Variants in SRPK2 observed in about 807,000 individuals in gnomAD.
SRPK2 encodes SRSF protein kinase 2.
Under a neutral mutation model 90.8 loss-of-function variants are expected in SRPK2, and 21 were observed. The observed-to-expected ratio is 0.23, with a 90% CI of 0.16 to 0.33. The LOEUF (loss-of-function observed/expected upper bound fraction) is 0.33, where lower values mean the gene tolerates loss of function less well. Among genes scored for constraint, SRPK2 ranks in the 10% least tolerant of loss-of-function variants. The probability of loss-of-function intolerance (pLI) is 1.00; values close to 1 mark genes in which losing one functional copy is unlikely to be tolerated. For synonymous variants in SRPK2, 288 were observed against 311.1 expected (o/e 0.93, Z 0.78); for missense variants, 620 against 869.0 (o/e 0.71, Z 3.60).
intron 3 of SRPK2, chr7:105,189,266 A>G (rs758982639): frequency 2.5e-4 from 38 of 153,804 alleles, no homozygotes; most frequent in Non-Finnish European, 5.4e-4. Flanking sequence ...CACAGAGGAT[A>G]AATCAAGGCC....
chr7:105,310,743 C>G (rs896250444), intron 2 of SRPK2, among the ~76,000 whole-genome samples: 2 of 152,146 alleles, frequency 1.3e-5, no homozygotes, highest in African/African-American at 4.8e-5. Context: ...TATTTATTTT[C>G]CATCTAGAAC....
At chr7:105,328,583 G>T (rs1183639332) in intron 2 of SRPK2, among the ~76,000 whole-genome samples, 8 of 101,188 alleles carry the variant, frequency 7.9e-5, no homozygotes, top group Non-Finnish European at 1.1e-4. Context: ...AAAAAAAAAA[G>T]GCCAGGCGCA....
At chr7:105,225,198 A>T (rs1186414045) in intron 2 of SRPK2, among the ~76,000 whole-genome samples, 1 of 145,802 alleles carries the variant, frequency 6.9e-6, no homozygotes, top group African/African-American at 2.5e-5. Flanking sequence ...AAACAAACAA[A>T]CAAACAAAAA....
chr7:105,131,251 A>G (rs1396008971), intron 13 of SRPK2, among the ~76,000 whole-genome samples: 1 of 152,054 alleles, frequency 6.6e-6, no homozygotes, highest in Admixed American at 6.5e-5. Flanking sequence ...ACATCCTGAA[A>G]TGGCCCCTGC....
At chr7:105,276,712 T>G (rs1284911792) in intron 2 of SRPK2, among the ~76,000 whole-genome samples, 2 of 152,158 alleles carry the variant, frequency 1.3e-5, no homozygotes, top group African/African-American at 4.8e-5. Context: ...CACTCCACTC[T>G]GGGCAACAGA....
chr7:105,132,603 C>G (rs1024585314), intron 13 of SRPK2, among the ~76,000 whole-genome samples, 188 bp downstream of exon 13: 1 of 152,190 alleles, frequency 6.6e-6, no homozygotes, highest in Non-Finnish European at 1.5e-5. Flanking sequence ...ACCCAGGGCC[C>G]GCCTGAGGAG....
intron 15 of SRPK2, chr7:105,125,750 G>A: frequency 9.9e-7 from 1 of 1,005,276 alleles, no homozygotes; most frequent in African/African-American, 1.7e-5. Context: ...AGAAGACTAT[G>A]CTGAAAATTA....
At chr7:105,287,508 G>T (rs528723944) in intron 2 of SRPK2, among the ~76,000 whole-genome samples, 1 of 152,204 alleles carries the variant, frequency 6.6e-6, no homozygotes, top group Admixed American at 6.5e-5. Context: ...AGGCTGAGGA[G>T]GGGAGATCAC....
At chr7:105,167,980 A>T (rs768156031) in intron 5 of SRPK2, 28 bp downstream of exon 5, 3 of 1,515,338 alleles carry the variant, frequency 2.0e-6, no homozygotes, top group African/African-American at 1.4e-5. Context: ...AAGTTTTCTT[A>T]TATCATTCAC....
At chr7:105,259,300 A>C (rs1028044459) in intron 2 of SRPK2, among the ~76,000 whole-genome samples, 4 of 152,252 alleles carry the variant, frequency 2.6e-5, no homozygotes, top group African/African-American at 9.6e-5. Context: ...CAGAGAGAAT[A>C]AAATACCTAG....
chr7:105,218,680 A>T (rs1797745763), intron 2 of SRPK2, among the ~76,000 whole-genome samples: 1 of 152,228 alleles, frequency 6.6e-6, no homozygotes, highest in Non-Finnish European at 1.5e-5. Flanking sequence ...ACCTACTACA[A>T]GTGAAGTAAA....
At chr7:105,338,830 T>A (rs1815418984) in intron 2 of SRPK2, among the ~76,000 whole-genome samples, 1 of 152,214 alleles carries the variant, frequency 6.6e-6, no homozygotes, top group African/African-American at 2.4e-5. Flanking sequence ...ATAATAGTTC[T>A]CAAATTAGAA....
At position 105,319,580 on chromosome 7, in the gene SRPK2, G is replaced by A. The variant is rs369825742; in HGVS notation, c.71+69068C>T. Among the ~76,000 whole-genome samples, 719 of 136,674 alleles carry A rather than the reference G, an allele frequency of 5.3e-3. 3 individuals are homozygous for A. The highest frequency in any genetic ancestry group is 7.2e-3 in the Non-Finnish European group (469 of 65,164). 89.7% of individuals were successfully genotyped at this position (136,674 alleles called of 152,430 possible). The stretch of plus-strand genomic sequence containing the variant: ...ACACTTTTTTTCTAGTTACTTTTCC[G>A]GTTAAAGGAAACTAAATATGGCCTG... On this transcript the variant is annotated intron_variant, in intron 2 of 15. Transcript: ENST00000393651.
intron 2 of SRPK2, among the ~76,000 whole-genome samples, chr7:105,234,527 C>T (rs1799894519): frequency 1.3e-5 from 2 of 152,060 alleles, no homozygotes; most frequent in South Asian, 4.1e-4. Context: ...TAAAATAATG[C>T]AGCCAACAAA....
chr7:105,364,701 C>T (rs982007855), intron 2 of SRPK2, among the ~76,000 whole-genome samples: 12 of 151,994 alleles, frequency 7.9e-5, no homozygotes, highest in African/African-American at 2.7e-4. Flanking sequence ...CGCGCCTGGC[C>T]GAGTCTTAAA....
chr7:105,275,719 T>C (rs7808226), intron 2 of SRPK2, among the ~76,000 whole-genome samples: 66,286 of 151,850 alleles, frequency 0.44, 15,769 homozygotes, highest in South Asian at 0.53. Context: ...CTCAAAATGA[T>C]GTCCCATGGG....
intron 2 of SRPK2, among the ~76,000 whole-genome samples, chr7:105,287,651 G>T (rs1161942532): frequency 6.6e-6 from 1 of 151,998 alleles, no homozygotes; most frequent in African/African-American, 2.4e-5. Flanking sequence ...TAGGAGAATC[G>T]CTTGAACCCA....
intron 2 of SRPK2, among the ~76,000 whole-genome samples, chr7:105,348,536 G>A (rs187303151): frequency 1.3e-5 from 2 of 149,366 alleles, no homozygotes; most frequent in Non-Finnish European, 3.0e-5. Context: ...CGATTCTCCC[G>A]CCTCAGCTTC....
intron 2 of SRPK2, among the ~76,000 whole-genome samples, chr7:105,355,713 G>T (rs1817705412): frequency 6.6e-6 from 1 of 152,028 alleles, no homozygotes; most frequent in Non-Finnish European, 1.5e-5. Context: ...ACGTCAAGCA[G>T]GCAGCCTTTG....
Sources: allele counts gnomAD v4.1 joint callset (sites outside exome capture counted in the v4.1 genomes callset), GRCh38; gene constraint gnomAD v4.1.1; transcripts MANE v1.5; gene names NCBI Gene and HGNC (gene_info 2026-07-23, HGNC 2026-07-21).